PPM1L: variants seen among roughly 807,000 people sequenced by gnomAD.
PPM1L encodes protein phosphatase 1L.
A neutral mutation model predicts 31.4 loss-of-function variants in PPM1L; 13 were observed. The ratio of observed to expected loss-of-function variants is 0.41; its 90% confidence interval spans 0.27 to 0.66. The LOEUF (loss-of-function observed/expected upper bound fraction) is 0.66. Ranked by LOEUF, PPM1L falls within the 30% of genes least tolerant of loss-of-function variation. PPM1L has a pLI of 0.29. For synonymous variants in PPM1L, 184 were observed against 175.4 expected (o/e 1.05, Z -0.39); for missense variants, 326 against 453.7 (o/e 0.72, Z 2.56).
chr3:160,930,081 C>T (rs1714733389), intron 1 of PPM1L, among the ~76,000 whole-genome samples: 1 of 152,184 alleles, frequency 6.6e-6, no homozygotes, highest in African/African-American at 2.4e-5. Flanking sequence ...CTCAGAAACT[C>T]TCCCTTGATT....
At chr3:160,758,015 G>T (rs1714858963) in intron 1 of PPM1L, among the ~76,000 whole-genome samples, 1 of 152,190 alleles carries the variant, frequency 6.6e-6, no homozygotes, top group Admixed American at 6.5e-5. Context: ...CTACCTTGTA[G>T]AACCAACTTT....
chr3:161,024,403 ATCAAATAAGC>A (rs1366948503), intron 2 of PPM1L, among the ~76,000 whole-genome samples: 1 of 151,858 alleles, frequency 6.6e-6, no homozygotes, highest in Non-Finnish European at 1.5e-5. Flanking sequence ...TCTGAATCAG[ATCAAATAAGC>A]TCTGGCCGGG....
intron 1 of PPM1L, among the ~76,000 whole-genome samples, chr3:160,823,387 AT>A (rs1713263943): frequency 9.2e-6 from 1 of 109,062 alleles, no homozygotes; most frequent in Non-Finnish European, 2.0e-5. Context: ...TTTTTTTTGT[AT>A]TTTTAGTAGA....
At chr3:161,043,591 C>G (rs1718971279) in intron 2 of PPM1L, among the ~76,000 whole-genome samples, 1 of 152,204 alleles carries the variant, frequency 6.6e-6, no homozygotes, top group Non-Finnish European at 1.5e-5. Flanking sequence ...AGCTGAAATG[C>G]AGCTTAAGTT....
At chr3:161,010,706 G>T (rs1717865265) in intron 2 of PPM1L, among the ~76,000 whole-genome samples, 1 of 152,100 alleles carries the variant, frequency 6.6e-6, no homozygotes, top group African/African-American at 2.4e-5. Context: ...ACTTTTTAAT[G>T]ATCGCCTTTC....
intron 1 of PPM1L, among the ~76,000 whole-genome samples, chr3:160,767,638 CATT>C (rs1031067284): frequency 3.3e-5 from 5 of 152,148 alleles, no homozygotes; most frequent in African/African-American, 1.2e-4. Context: ...TGCTTTTCAA[CATT>C]ATTGTTGCAA....
rs142355903 is a variant in PPM1L at position 160,804,883 on chromosome 3, C to T, written c.399+48176C>T. ...TGGTTAGCCCCTATAGTACTGATGACTGATCATCACATGTAAGGGATCTGC... is the reference window on the plus strand; with the variant it reads ...TGGTTAGCCCCTATAGTACTGATGATTGATCATCACATGTAAGGGATCTGC... On this transcript the variant is annotated intron_variant, in intron 1 of 3. Coordinates refer to ENST00000498165, the MANE Select transcript of PPM1L (RefSeq NM_139245.4). 1.5e-3 allele frequency among the ~76,000 whole-genome samples: 236 copies of T among 152,322 alleles called. 1 individual carries two copies. Among genetic ancestry groups the T allele is most frequent in the African/African-American group, 5.4e-3 (223 of 41,570 alleles).
intron 2 of PPM1L, among the ~76,000 whole-genome samples, chr3:161,030,831 A>G (rs547026276): frequency 4.7e-4 from 72 of 152,214 alleles, no homozygotes; most frequent in Non-Finnish European, 8.5e-4. Flanking sequence ...CAGGATATAG[A>G]AACAATCTCT....
intron 2 of PPM1L, among the ~76,000 whole-genome samples, chr3:161,033,863 G>C (rs1053612642): frequency 6.6e-6 from 1 of 152,198 alleles, no homozygotes; most frequent in African/African-American, 2.4e-5. Flanking sequence ...CAACTAAAGA[G>C]CTTCTGCACA....
intron 2 of PPM1L, among the ~76,000 whole-genome samples, chr3:160,978,258 T>C (rs973282883): frequency 6.6e-6 from 1 of 152,106 alleles, no homozygotes; most frequent in African/African-American, 2.4e-5. Flanking sequence ...AATTTCTGGT[T>C]TATGTAGGCC....
intron 1 of PPM1L, among the ~76,000 whole-genome samples, chr3:160,824,405 T>C (rs1316276544): frequency 6.6e-6 from 1 of 152,178 alleles, no homozygotes; most frequent in African/African-American, 2.4e-5. Flanking sequence ...AGTGTGCTTA[T>C]TAAAGTACTG....
At chr3:160,978,816 C>CACCTTGG (rs1553751733) in intron 2 of PPM1L, among the ~76,000 whole-genome samples, 11 of 150,390 alleles carry the variant, frequency 7.3e-5, no homozygotes, top group Admixed American at 1.3e-4. Flanking sequence ...GGTGACAGAG[C>CACCTTGG]AAGACCCAGT....
Position 160,927,443 on chromosome 3 carries a change from AT to A in PPM1L, c.400-34285del, listed in dbSNP as rs1022266126. On this transcript the variant is annotated intron_variant, in intron 1 of 3. Coordinates refer to ENST00000498165, the MANE Select transcript of PPM1L (RefSeq NM_139245.4). ...GGTCTAAAAAAAAACCCTACATAGC[AT>A]TTTTTTTCTTCCTTTACTTTATAGC... Among the ~76,000 whole-genome samples the A allele has an allele frequency of 6.8e-4, 104 of 151,958 alleles. 1 individual carries two copies. Among genetic ancestry groups the A allele is most frequent in the African/African-American group, 1.9e-3 (80 of 41,450 alleles).
chr3:160,945,909 G>C (rs907096990), intron 1 of PPM1L, among the ~76,000 whole-genome samples: 1 of 151,976 alleles, frequency 6.6e-6, no homozygotes, highest in Non-Finnish European at 1.5e-5. Flanking sequence ...GGCTTACTTT[G>C]TTGTAAGAAT....
At chr3:160,776,052 C>T (rs1331320078) in intron 1 of PPM1L, among the ~76,000 whole-genome samples, 1 of 152,170 alleles carries the variant, frequency 6.6e-6, no homozygotes, top group Non-Finnish European at 1.5e-5. Context: ...GAATAAAAAT[C>T]ATCACCTTTA....
At chr3:160,960,122 C>T (rs866029076) in intron 1 of PPM1L, among the ~76,000 whole-genome samples, 1 of 151,830 alleles carries the variant, frequency 6.6e-6, no homozygotes, top group Non-Finnish European at 1.5e-5. Flanking sequence ...ATGAAAAAAA[C>T]TGAACCTCTG....
Position 161,065,667 on chromosome 3 carries a change from G to C in PPM1L, c.736+103G>C, listed in dbSNP as rs1177057370. On this transcript the variant is annotated intron_variant, in intron 3 of 3. Transcript: ENST00000498165. Reference sequence around the variant, plus strand: ...TAAAATGTCCAGTTATGCAGTATTAGAGAGGCTGCTACTGAGGTAACTGAG... The same window carrying C: ...TAAAATGTCCAGTTATGCAGTATTACAGAGGCTGCTACTGAGGTAACTGAG... 2.9e-6 allele frequency: 3 copies of C among 1,030,302 alleles called. No individual in the cohort carries two copies. The African/African-American group carries it at 4.9e-5, about 17-fold the overall frequency. The allele number at this position is 1,030,302 out of a possible 1,614,324, so 63.8% of individuals were successfully genotyped here.
At chr3:161,025,202 G>A (rs1326100240) in intron 2 of PPM1L, among the ~76,000 whole-genome samples, 1 of 152,078 alleles carries the variant, frequency 6.6e-6, no homozygotes, top group Non-Finnish European at 1.5e-5. Context: ...GTATCAAGAG[G>A]TGGGGCCTTT....
At chr3:160,824,912 C>G (rs566555488) in intron 1 of PPM1L, among the ~76,000 whole-genome samples, 5 of 152,046 alleles carry the variant, frequency 3.3e-5, no homozygotes, top group Admixed American at 3.3e-4. Context: ...TTTCCTTCAG[C>G]TTAGTGTTTT....
Sources: allele counts gnomAD v4.1 joint callset (sites outside exome capture counted in the v4.1 genomes callset), GRCh38; gene constraint gnomAD v4.1.1; transcripts MANE v1.5; gene names NCBI Gene and HGNC (gene_info 2026-07-23, HGNC 2026-07-21).